RNF166: variants seen among roughly 807,000 people sequenced by gnomAD.
RNF166 encodes the protein E3 ubiquitin-protein ligase RNF166.
RNF166 carries 19 observed loss-of-function variants against 29.4 expected under a neutral mutation model. The ratio of observed to expected loss-of-function variants is 0.65; its 90% confidence interval spans 0.45 to 0.95. RNF166 has a LOEUF of 0.95. RNF166 is among the 40% of genes least tolerant of loss of function. The pLI is 0.00. For synonymous variants in RNF166, 171 were observed against 134.5 expected, an observed-to-expected ratio of 1.27 and a Z score of -1.88; for missense variants, 347 against 322.1, an observed-to-expected ratio of 1.08 and a Z score of -0.59.
rs1043035223 is a variant in RNF166, at chr16:88,696,509, G to A, written c.*1059C>T. 1 of 431,404 alleles carries A rather than the reference G, an allele frequency of 2.3e-6. No homozygotes were observed. Among genetic ancestry groups the A allele is most frequent in the Admixed American group, 2.9e-5 (1 of 34,962 alleles). The allele number at this position is 431,404 out of a possible 1,614,324, so 26.7% of individuals were successfully genotyped here. A position where few individuals can be genotyped will look rare whatever the true frequency, so the allele number is the denominator to read the frequency against. Reference sequence around the variant, plus strand: ...GTCGAGGCTGCTAGAGATGCTCTGAGACATTTTATTTAAACTTTTTTTTTT... The same window carrying A: ...GTCGAGGCTGCTAGAGATGCTCTGAAACATTTTATTTAAACTTTTTTTTTT... On this transcript the variant is annotated 3_prime_UTR_variant, in exon 6 of 6. Transcript: ENST00000312838.
At chr16:88,699,565 A>T (rs1372239283) in intron 3 of RNF166, 55 bp downstream of exon 3, 2 of 1,426,874 alleles carry the variant, frequency 1.4e-6, no homozygotes, top group African/African-American at 1.4e-5. Context: ...GCTTGCTCCC[A>T]GAACGAGGAA....
chr16:88,704,050 C>A (rs1910530264), intron 1 of RNF166: 2 of 985,368 alleles, frequency 2.0e-6, no homozygotes, highest in South Asian at 4.7e-5. Context: ...AGGGGGCCTC[C>A]TGCGCGAGGG....
chr16:88,696,621 C>T lies in RNF166; in HGVS notation c.*947G>A, dbSNP rs1020219893. Reference sequence around the variant, plus strand: ...CCGCCAAGCGGGCCCCTGCCCAGGCCCCCAAGCTCTGCCACCACTGGGGTG... The same window carrying T: ...CCGCCAAGCGGGCCCCTGCCCAGGCTCCCAAGCTCTGCCACCACTGGGGTG... On this transcript the variant is annotated 3_prime_UTR_variant, in exon 6 of 6. Transcript: ENST00000312838. 2.2e-6 allele frequency: 1 copy of T among 453,472 alleles called. No individual in the cohort carries two copies. The highest frequency in any genetic ancestry group is 2.0e-5 in the African/African-American group (1 of 49,770). 28.1% of individuals were successfully genotyped at this position (453,472 alleles called of 1,614,324 possible).
chr16:88,704,650 T>A lies in RNF166; in HGVS notation c.155+1521A>T, dbSNP rs1910585625. Among the ~76,000 whole-genome samples the A allele has an allele frequency of 2.0e-5, 3 of 152,086 alleles. No individual in the cohort carries two copies. In the South Asian group the frequency reaches 6.2e-4, roughly 31 times the overall value. ...AAGCCTCACAGCGCTCAGTAACAGA[T>A]GAGAAGGTGCGGAACACACCTTCAA... On this transcript the variant is annotated intron_variant, in intron 1 of 5. Coordinates refer to ENST00000312838, the MANE Select transcript of RNF166 (RefSeq NM_178841.4).
chr16:88,703,101 G>GCA lies in RNF166; in HGVS notation c.156-1685_156-1684dup, dbSNP rs1355221644. 88 of 985,438 alleles carry GCA rather than the reference G, an allele frequency of 8.9e-5. No homozygotes were observed. The Middle Eastern group carries it at 1.6e-3, about 17-fold the overall frequency. The allele number at this position is 985,438 out of a possible 1,614,324, so 61.0% of individuals were successfully genotyped here. On this transcript the variant is annotated intron_variant, in intron 1 of 5. Transcript: ENST00000312838. ...GAAAACAGTGCAGGGCAGACAGCAAGCACGTCCCACCCGTGTCGTGGGGGT... is the reference window on the plus strand; with the variant it reads ...GAAAACAGTGCAGGGCAGACAGCAAGCACACGTCCCACCCGTGTCGTGGGGGT...
At chr16:88,703,026 G>A (rs965650494) in intron 1 of RNF166, 5 of 985,344 alleles carry the variant, frequency 5.1e-6, no homozygotes, top group Non-Finnish European at 4.8e-6. Flanking sequence ...CATGGAAAGG[G>A]CGTTCGGCCG....
intron 5 of RNF166, 36 bp from the exon 6 acceptor site, chr16:88,697,669 G>A (rs1214032503): frequency 6.7e-7 from 1 of 1,494,300 alleles, no homozygotes; most frequent in South Asian, 1.2e-5. Flanking sequence ...CGGGCTCGAG[G>A]GAGACAGGAA....
Position 88,697,209 on chromosome 16 carries a change from G to A in RNF166, c.*359C>T, listed in dbSNP as rs569598169. On this transcript the variant is annotated 3_prime_UTR_variant, in exon 6 of 6. Transcript: ENST00000312838. ...CAGCAGCCTGGGTTCCTCCCGGCTC[G>A]ACTGCGGAGCGCGACTCGCGCGTCG... 1.6e-4 allele frequency: 31 copies of A among 193,538 alleles called. No individual in the cohort carries two copies. The highest frequency in any genetic ancestry group is 1.5e-3 in the South Asian group (13 of 8,928). The allele number at this position is 193,538 out of a possible 1,614,324, so 12.0% of individuals were successfully genotyped here. A position where few individuals can be genotyped will look rare whatever the true frequency, so the allele number is the denominator to read the frequency against.
chr16:88,698,360 G>T, intron 5 of RNF166, 142 bp downstream of exon 5: 1 of 753,216 alleles, frequency 1.3e-6, no homozygotes. Flanking sequence ...CACAGAACCT[G>T]GGGGAATGTG....
chr16:88,703,157 A>G, intron 1 of RNF166: 13 of 985,336 alleles, frequency 1.3e-5, no homozygotes, highest in Non-Finnish European at 1.6e-5. Context: ...GCAGAGAGAA[A>G]CCCAGTGACC....
intron 4 of RNF166, 102 bp from the exon 5 acceptor site, chr16:88,698,711 G>T: frequency 1.1e-6 from 1 of 887,728 alleles, no homozygotes; most frequent in Non-Finnish European, 1.7e-6. Context: ...TGCTGCCTCA[G>T]CCTGGGAAGG....
At chr16:88,704,119 G>A (rs1910536257) in intron 1 of RNF166, 1 of 985,366 alleles carries the variant, frequency 1.0e-6, no homozygotes, top group Non-Finnish European at 1.2e-6. Context: ...ATCTACCCTG[G>A]AGGAGGAAGT....
Position 88,697,228 on chromosome 16 carries a change from C to A in RNF166, c.*340G>T. The A allele has an allele frequency of 4.8e-6, 1 of 209,154 alleles. No individual in the cohort carries two copies. The highest frequency in any genetic ancestry group is 9.6e-6 in the Non-Finnish European group (1 of 103,754). The allele number at this position is 209,154 out of a possible 1,614,324, so 13.0% of individuals were successfully genotyped here. A position where few individuals can be genotyped will look rare whatever the true frequency, so the allele number is the denominator to read the frequency against. The stretch of plus-strand genomic sequence containing the variant: ...CGGCTCGACTGCGGAGCGCGACTCG[C>A]GCGTCGGTCCCTTCTTCCCACGAGG... On this transcript the variant is annotated 3_prime_UTR_variant, in exon 6 of 6. Coordinates refer to ENST00000312838, the MANE Select transcript of RNF166 (RefSeq NM_178841.4).
chr16:88,697,848 G>T lies in RNF166; in HGVS notation c.649-215C>A, dbSNP rs550395404. 3 of 536,612 alleles carry T rather than the reference G, an allele frequency of 5.6e-6. No individual in the cohort carries two copies. The South Asian group carries it at 7.0e-5, about 12-fold the overall frequency. 33.2% of individuals were successfully genotyped at this position (536,612 alleles called of 1,614,324 possible). ...GTGTCCATCACCCGCTGGGTACGGG[G>T]GCACTCGGAATGGATGGCTGCTGGT... On this transcript the variant is annotated intron_variant, in intron 5 of 5. Coordinates refer to ENST00000312838, the MANE Select transcript of RNF166 (RefSeq NM_178841.4).
chr16:88,703,837 G>A, intron 1 of RNF166: 1 of 985,456 alleles, frequency 1.0e-6, no homozygotes, highest in Non-Finnish European at 1.2e-6. Context: ...AGCTGGGACG[G>A]CCCGTGCCTC....
chr16:88,696,535 A>T lies in RNF166; in HGVS notation c.*1033T>A, dbSNP rs1132579. On this transcript the variant is annotated 3_prime_UTR_variant, in exon 6 of 6. Coordinates refer to ENST00000312838, the MANE Select transcript of RNF166 (RefSeq NM_178841.4). The stretch of plus-strand genomic sequence containing the variant: ...ACATTTTATTTAAACTTTTTTTTTT[A>T]AAAAAAAGACAGCAATAATTAATGC... 255,554 of 396,044 alleles carry T rather than the reference A, an allele frequency of 0.65. 76,665 individuals carry two copies. The highest frequency in any genetic ancestry group is 0.89 in the East Asian group (11,763 of 13,274). 24.5% of individuals were successfully genotyped at this position (396,044 alleles called of 1,614,324 possible). A position where few individuals can be genotyped will look rare whatever the true frequency, so the allele number is the denominator to read the frequency against.
intron 2 of RNF166, chr16:88,699,955 G>A (rs1567636460): frequency 2.4e-6 from 1 of 412,392 alleles, no homozygotes; most frequent in Middle Eastern, 6.3e-4. Context: ...TCTGGCCGAG[G>A]GCAGAAACCT....
chr16:88,703,835 C>T lies in RNF166; in HGVS notation c.155+2336G>A, dbSNP rs142699905. ...CGCTGCACAAGCTGAGAAGCTGGGA[C>T]GGCCCGTGCCTCAGGGATCTGCCTG... On this transcript the variant is annotated intron_variant, in intron 1 of 5. Transcript: ENST00000312838. The T allele has an allele frequency of 7.1e-3, 7,032 of 985,454 alleles. 28 individuals carry two copies. The highest frequency in any genetic ancestry group is 7.9e-3 in the Non-Finnish European group (6,553 of 829,932). The allele number at this position is 985,454 out of a possible 1,614,324, so 61.0% of individuals were successfully genotyped here. A position where few individuals can be genotyped will look rare whatever the true frequency, so the allele number is the denominator to read the frequency against.
intron 1 of RNF166, chr16:88,703,067 G>T: frequency 2.0e-6 from 2 of 985,592 alleles, no homozygotes; most frequent in Non-Finnish European, 2.4e-6. Context: ...CCACGCACCG[G>T]AAGGCCTGGA....
Sources: gnomAD v4.1 joint callset for allele counts (sites outside exome capture counted in the v4.1 genomes callset) on GRCh38, gnomAD v4.1.1 for gene constraint, MANE v1.5 for transcripts, NCBI Gene and HGNC (gene_info 2026-07-23, HGNC 2026-07-21) for gene names.